The following MAP2 variants were observed in gnomAD, a reference collection of about 807,000 sequenced individuals.
MAP2 encodes microtubule-associated protein 2.
A neutral mutation model predicts 137.6 loss-of-function variants in MAP2; 14 were observed. The ratio of observed to expected loss-of-function variants is 0.10; its 90% confidence interval spans 0.07 to 0.16. The LOEUF (loss-of-function observed/expected upper bound fraction) is 0.16. Ranked by LOEUF, MAP2 falls within the 10% of genes least tolerant of loss-of-function variation. The probability of loss-of-function intolerance (pLI) is 1.00; values close to 1 mark genes in which losing one functional copy is unlikely to be tolerated. For missense variants in MAP2, 2,088 were observed against 2,191.5 expected (o/e 0.95, Z 0.94); for synonymous variants, 786 against 782.3 (o/e 1.00, Z -0.08).
At chr2:209,577,581 T>C (rs2075558125) in intron 2 of MAP2, among the ~76,000 whole-genome samples, 1 of 152,200 alleles carries the variant, frequency 6.6e-6, no homozygotes, top group African/African-American at 2.4e-5. Context: ...AGTGGTTGTT[T>C]TGGAATGAAT....
intron 3 of MAP2, among the ~76,000 whole-genome samples, chr2:209,593,634 A>AAATAT (rs1286103137): frequency 1.5e-4 from 5 of 33,644 alleles, no homozygotes; most frequent in Non-Finnish European, 1.5e-4. Context: ...AAAAAAAAAA[A>AAATAT]ATATATATAT....
At chr2:209,604,484 T>G (rs1238714909) in intron 3 of MAP2, among the ~76,000 whole-genome samples, 1 of 152,138 alleles carries the variant, frequency 6.6e-6, no homozygotes, top group African/African-American at 2.4e-5. Flanking sequence ...TGTTCTCTAA[T>G]ATGACCATCA....
chr2:209,661,896 C>T (rs956754977), intron 5 of MAP2, among the ~76,000 whole-genome samples: 2 of 152,022 alleles, frequency 1.3e-5, no homozygotes, highest in African/African-American at 4.8e-5. Context: ...CCAGCCACAG[C>T]GTTTGATATT....
chr2:209,696,867 C>G (rs369333007), intron 9 of MAP2, 50 bp from the exon 10 acceptor site: 2 of 1,569,688 alleles, frequency 1.3e-6, no homozygotes, highest in African/African-American at 2.8e-5. Flanking sequence ...TTTTGCTCCA[C>G]GTGTTTATTT....
At chr2:209,455,310 G>A (rs1157464001) in intron 1 of MAP2, among the ~76,000 whole-genome samples, 2 of 150,186 alleles carry the variant, frequency 1.3e-5, no homozygotes, top group Admixed American at 6.6e-5. Flanking sequence ...CACACAGATA[G>A]TAAGTAATAA....
chr2:209,563,008 C>T lies in MAP2; in HGVS notation c.-171-17028C>T, dbSNP rs539216872. Among the ~76,000 whole-genome samples the T allele has an allele frequency of 2.0e-5, 3 of 152,238 alleles. No homozygotes were observed. In the South Asian group the frequency reaches 6.2e-4, roughly 32 times the overall value. Reference sequence around the variant, plus strand: ...TGCTTCCTGGGTACCTGATTATTCACATTATGCACATTACTTATGTGAATG... The same window carrying T: ...TGCTTCCTGGGTACCTGATTATTCATATTATGCACATTACTTATGTGAATG... On this transcript the variant is annotated intron_variant, in intron 2 of 15. Coordinates refer to ENST00000682079, the MANE Select transcript of MAP2 (RefSeq NM_001375505.1).
chr2:209,712,629 C>T (rs893364435), intron 13 of MAP2, among the ~76,000 whole-genome samples: 6 of 152,040 alleles, frequency 3.9e-5, no homozygotes, highest in Non-Finnish European at 8.8e-5. Context: ...GAAATAATAG[C>T]GCATTGCAAT....
At chr2:209,496,397 A>G (rs375497699) in intron 1 of MAP2, among the ~76,000 whole-genome samples, 10 of 152,198 alleles carry the variant, frequency 6.6e-5, no homozygotes, top group Non-Finnish European at 1.5e-4. Context: ...ATATACAATA[A>G]TATGAGCTGT....
intron 3 of MAP2, among the ~76,000 whole-genome samples, chr2:209,584,476 A>T (rs987622960): frequency 6.6e-6 from 1 of 152,186 alleles, no homozygotes; most frequent in Non-Finnish European, 1.5e-5. Context: ...TTATAAAATT[A>T]GAAAATTTCA....
Position 209,693,406 on chromosome 2 carries a change from G to C in MAP2, c.1236G>C (p.Lys412Asn), listed in dbSNP as rs201958756. The change falls in exon 8 of 16, where the codon AAG becomes AAC. Residue 412 changes from lysine to asparagine, a missense_variant. Lys to Asn is a moderately conservative substitution (Grantham distance 94). Coordinates refer to ENST00000682079, the MANE Select transcript of MAP2 (RefSeq NM_001375505.1). ...TGGGGAAAGTTTTAGAGGAAGAAAAGGAGGCCATAAATCAAGAGACTGTGC... is the reference window on the plus strand; with the variant it reads ...TGGGGAAAGTTTTAGAGGAAGAAAACGAGGCCATAAATCAAGAGACTGTGC... ...HVMGKVLEEE[K>N]EAINQETVQQ... is the part of the protein sequence containing the mutation. 23 of 1,613,006 alleles carry C rather than the reference G, an allele frequency of 1.4e-5. No homozygotes were observed. Among genetic ancestry groups the C allele is most frequent in the Admixed American group, 6.7e-5 (4 of 59,780 alleles).
intron 4 of MAP2, among the ~76,000 whole-genome samples, chr2:209,633,988 A>G (rs1202915024): frequency 1.3e-5 from 2 of 152,178 alleles, no homozygotes. Flanking sequence ...GTGTTTGCAC[A>G]TTCTGTCTGC....
intron 6 of MAP2, 88 bp from the exon 7 acceptor site, chr2:209,680,662 C>CT: frequency 8.4e-7 from 1 of 1,183,608 alleles, no homozygotes. Context: ...ATAGAGAGGT[C>CT]TTTTTACAAA....
At chr2:209,559,632 TAGAG>T (rs1010235064) in intron 2 of MAP2, among the ~76,000 whole-genome samples, 3 of 151,954 alleles carry the variant, frequency 2.0e-5, no homozygotes, top group African/African-American at 4.8e-5. Context: ...GCCTGGATGA[TAGAG>T]AAAGACTCTG....
chr2:209,547,669 A>G (rs1030359018), intron 2 of MAP2, among the ~76,000 whole-genome samples: 1 of 152,188 alleles, frequency 6.6e-6, no homozygotes, highest in Non-Finnish European at 1.5e-5. Context: ...TCTGTGCCTT[A>G]GTTCCCTGTC....
chr2:209,665,781 A>T (rs1404882639), intron 5 of MAP2, among the ~76,000 whole-genome samples: 1 of 152,170 alleles, frequency 6.6e-6, no homozygotes, highest in Admixed American at 6.5e-5. Context: ...TTGTGATTTC[A>T]GTTAAATATA....
At chr2:209,607,619 A>C (rs905101794) in intron 3 of MAP2, among the ~76,000 whole-genome samples, 7 of 152,050 alleles carry the variant, frequency 4.6e-5, no homozygotes, top group African/African-American at 1.7e-4. Context: ...GTTTTTAATA[A>C]GGACAAAGTT....
At chr2:209,592,519 A>G (rs1003862109) in intron 3 of MAP2, among the ~76,000 whole-genome samples, 1 of 152,176 alleles carries the variant, frequency 6.6e-6, no homozygotes, top group Non-Finnish European at 1.5e-5. Context: ...GTTTTAAACT[A>G]TATATTCACA....
At chr2:209,481,079 A>G (rs771914714) in intron 1 of MAP2, among the ~76,000 whole-genome samples, 2 of 152,200 alleles carry the variant, frequency 1.3e-5, no homozygotes, top group Non-Finnish European at 2.9e-5. Context: ...TTCACGTATC[A>G]GGGAAGACTC....
At chr2:209,434,900 ATATATATGT>A (rs1695463198) in intron 1 of MAP2, among the ~76,000 whole-genome samples, 2 of 136,956 alleles carry the variant, frequency 1.5e-5, no homozygotes, top group African/African-American at 5.4e-5. Context: ...TATATGTTAT[ATATATATGT>A]TATATATATG....
Sources: gnomAD v4.1 joint callset for allele counts (sites outside exome capture counted in the v4.1 genomes callset) on GRCh38, gnomAD v4.1.1 for gene constraint, MANE v1.5 for transcripts, NCBI Gene and HGNC (gene_info 2026-07-23, HGNC 2026-07-21) for gene names.